Variants in RAB8B observed in about 807,000 individuals in gnomAD.
RAB8B encodes RAB8B, member RAS oncogene family.
In RAB8B, 11 loss-of-function variants were observed where a neutral mutation model predicts 32.0. That is an observed-to-expected ratio of 0.34 (90% CI 0.22 to 0.57). The LOEUF (loss-of-function observed/expected upper bound fraction) is 0.57. RAB8B is among the 20% of genes least tolerant of loss of function. The pLI is 0.86. For missense variants in RAB8B, 190 were observed against 258.5 expected (o/e 0.73, Z 1.82); for synonymous variants, 103 against 89.6 (o/e 1.15, Z -0.85).
chr15:63,230,845 GC>G (rs1469027334), intron 1 of RAB8B, among the ~76,000 whole-genome samples: 1 of 152,118 alleles, frequency 6.6e-6, no homozygotes, highest in Non-Finnish European at 1.5e-5. Context: ...ACAGGCATGT[GC>G]CACCATGCCC....
At chr15:63,195,891 G>A (rs188036026) in intron 1 of RAB8B, among the ~76,000 whole-genome samples, 5 of 152,334 alleles carry the variant, frequency 3.3e-5, no homozygotes, top group Non-Finnish European at 7.3e-5. Flanking sequence ...TGTAAAAAGG[G>A]AAATTCAAGG....
At chr15:63,198,747 T>A (rs879398103) in intron 1 of RAB8B, among the ~76,000 whole-genome samples, 1 of 152,224 alleles carries the variant, frequency 6.6e-6, no homozygotes, top group Non-Finnish European at 1.5e-5. Context: ...TCTGAAGATA[T>A]ATGGTCAAGT....
intron 1 of RAB8B, among the ~76,000 whole-genome samples, chr15:63,227,479 AT>A (rs1279547374): frequency 1.5e-4 from 23 of 152,332 alleles, no homozygotes; most frequent in African/African-American, 5.5e-4. Flanking sequence ...GTACTTTTGG[AT>A]CAGGCAGAAA....
intron 3 of RAB8B, among the ~76,000 whole-genome samples, chr15:63,252,171 C>T (rs1432069902): frequency 4.6e-5 from 7 of 151,194 alleles, no homozygotes; most frequent in Admixed American, 2.6e-4. Flanking sequence ...GTATTTCTAA[C>T]TGATTCATAA....
At chr15:63,200,779 G>T (rs910676577) in intron 1 of RAB8B, among the ~76,000 whole-genome samples, 1 of 152,228 alleles carries the variant, frequency 6.6e-6, no homozygotes, top group African/African-American at 2.4e-5. Context: ...GTTGCCCAAG[G>T]TCACACAAAG....
chr15:63,225,068 G>A (rs1265690621), intron 1 of RAB8B, among the ~76,000 whole-genome samples: 2 of 152,160 alleles, frequency 1.3e-5, no homozygotes, highest in African/African-American at 2.4e-5. Context: ...GCACATAGTA[G>A]GTACACAATA....
chr15:63,223,810 G>C (rs2037867154), intron 1 of RAB8B: 1 of 399,460 alleles, frequency 2.5e-6, no homozygotes, highest in African/African-American at 2.1e-5. Context: ...TCCAAAAAAG[G>C]AGTTTTTCTT....
At chr15:63,225,515 A>T (rs980506832) in intron 1 of RAB8B, among the ~76,000 whole-genome samples, 5 of 152,236 alleles carry the variant, frequency 3.3e-5, no homozygotes, top group Non-Finnish European at 7.3e-5. Flanking sequence ...ATAAATATAT[A>T]CTTGCTTCTG....
intron 1 of RAB8B, among the ~76,000 whole-genome samples, chr15:63,202,499 C>T (rs1160733891): frequency 6.6e-6 from 1 of 152,158 alleles, no homozygotes; most frequent in Non-Finnish European, 1.5e-5. Flanking sequence ...AATATGTGTG[C>T]AGCAGAATGG....
intron 1 of RAB8B, among the ~76,000 whole-genome samples, chr15:63,210,568 C>T (rs1158699458): frequency 1.3e-5 from 2 of 152,240 alleles, no homozygotes; most frequent in African/African-American, 4.8e-5. Context: ...CTTCCACCTC[C>T]AGCTTCCCAA....
intron 3 of RAB8B, among the ~76,000 whole-genome samples, chr15:63,254,998 A>G (rs928570710): frequency 2.0e-5 from 3 of 152,186 alleles, no homozygotes; most frequent in Non-Finnish European, 1.5e-5. Flanking sequence ...ATTGGATTTT[A>G]AGTGTCTGTG....
intron 1 of RAB8B, among the ~76,000 whole-genome samples, chr15:63,215,008 TCTC>T (rs1213550133): frequency 1.3e-5 from 2 of 152,200 alleles, no homozygotes; most frequent in Non-Finnish European, 2.9e-5. Context: ...AGGTTTCTGA[TCTC>T]CTTTCCTATC....
At chr15:63,203,919 C>G (rs931694742) in intron 1 of RAB8B, among the ~76,000 whole-genome samples, 8 of 152,006 alleles carry the variant, frequency 5.3e-5, no homozygotes, top group Non-Finnish European at 1.2e-4. Flanking sequence ...CTGCGGGTGT[C>G]ACTCCTTACC....
intron 1 of RAB8B, among the ~76,000 whole-genome samples, chr15:63,213,269 C>A (rs2037762262): frequency 6.6e-6 from 1 of 152,084 alleles, no homozygotes; most frequent in Non-Finnish European, 1.5e-5. Flanking sequence ...GGACAAATGT[C>A]TTCTAGGTAC....
At chr15:63,191,949 G>A (rs1301619315) in intron 1 of RAB8B, among the ~76,000 whole-genome samples, 2 of 152,222 alleles carry the variant, frequency 1.3e-5, no homozygotes, top group Non-Finnish European at 2.9e-5. Flanking sequence ...TGGAAATGAG[G>A]TTCTTTGGAG....
intron 3 of RAB8B, among the ~76,000 whole-genome samples, chr15:63,250,474 T>C (rs1226029372): frequency 6.6e-6 from 1 of 152,138 alleles, no homozygotes; most frequent in African/African-American, 2.4e-5. Context: ...CCGGAAAGAA[T>C]CTGGTGAATC....
intron 2 of RAB8B, among the ~76,000 whole-genome samples, chr15:63,246,432 C>G (rs1235748135): frequency 6.6e-6 from 1 of 152,092 alleles, no homozygotes. Flanking sequence ...ACTAGAGCAG[C>G]TCACAGAACT....
In RAB8B at chr15:63,204,188, C is replaced by T. The variant is rs146591630; in HGVS notation, c.124+14440C>T. The stretch of plus-strand genomic sequence containing the variant: ...TTTGGTTACTTAAAGGAATGTATGT[C>T]TGTTTTCTAGAAAATTACTTCTTAA... On this transcript the variant is annotated intron_variant, in intron 1 of 7. Transcript: ENST00000321437. Among the ~76,000 whole-genome samples the T allele has an allele frequency of 1.6e-4, 25 of 152,210 alleles. No homozygotes were observed. In the East Asian group the frequency reaches 4.8e-3, roughly 29 times the overall value.
chr15:63,199,699 T>G (rs1324811694), intron 1 of RAB8B, among the ~76,000 whole-genome samples: 2 of 152,098 alleles, frequency 1.3e-5, no homozygotes, highest in East Asian at 1.9e-4. Context: ...TTTGAGACTT[T>G]GTCATCAGTC....
Sources: gnomAD v4.1 joint callset for allele counts (sites outside exome capture counted in the v4.1 genomes callset) on GRCh38, gnomAD v4.1.1 for gene constraint, MANE v1.5 for transcripts, NCBI Gene and HGNC (gene_info 2026-07-23, HGNC 2026-07-21) for gene names.